KCTD16: variants seen among roughly 807,000 people sequenced by gnomAD.
KCTD16 encodes the protein potassium channel tetramerization domain containing 16.
In KCTD16, 13 loss-of-function variants were observed where a neutral mutation model predicts 33.2. That is an observed-to-expected ratio of 0.39 (90% CI 0.25 to 0.62). The LOEUF (loss-of-function observed/expected upper bound fraction) is 0.62, where lower values mean the gene tolerates loss of function less well. Ranked by LOEUF, KCTD16 falls within the 20% of genes least tolerant of loss-of-function variation. The pLI is 0.50. For synonymous variants in KCTD16, 197 were observed against 195.3 expected, an observed-to-expected ratio of 1.01 and a Z score of -0.07; for missense variants, 441 against 525.1, an observed-to-expected ratio of 0.84 and a Z score of 1.57.
intron 3 of KCTD16, among the ~76,000 whole-genome samples, chr5:144,266,731 A>C (rs944306547): frequency 6.6e-6 from 1 of 152,214 alleles, no homozygotes; most frequent in African/African-American, 2.4e-5. Context: ...GTCATGCTTA[A>C]TAGGCAATGT....
intron 3 of KCTD16, among the ~76,000 whole-genome samples, chr5:144,459,544 T>C (rs530073128): frequency 6.6e-6 from 1 of 152,008 alleles, no homozygotes; most frequent in Non-Finnish European, 1.5e-5. Flanking sequence ...GAGACAAGGT[T>C]TCACTATGCT....
At chr5:144,465,187 C>CG (rs201320600) in intron 3 of KCTD16, among the ~76,000 whole-genome samples, 6,421 of 111,886 alleles carry the variant, frequency 0.057, 651 homozygotes, top group Admixed American at 0.14. Flanking sequence ...TCTCTCCCCC[C>CG]CCTCTCTCTC....
At chr5:144,233,132 G>A (rs1754153468) in intron 3 of KCTD16, among the ~76,000 whole-genome samples, 1 of 151,512 alleles carries the variant, frequency 6.6e-6, no homozygotes. Context: ...TTTGATAATT[G>A]CTTTACAGTT....
At chr5:144,278,350 C>CAT (rs1580840053) in intron 3 of KCTD16, among the ~76,000 whole-genome samples, 1 of 151,804 alleles carries the variant, frequency 6.6e-6, no homozygotes, top group Non-Finnish European at 1.5e-5. Context: ...TTGTCCTATT[C>CAT]ATATATATAA....
Position 144,267,831 on chromosome 5 carries a change from AG to A in KCTD16, c.832+60286del, listed in dbSNP as rs150947058. Among the ~76,000 whole-genome samples the A allele has an allele frequency of 9.8e-3, 1,493 of 152,286 alleles. 20 individuals carry two copies. The highest frequency in any genetic ancestry group is 0.034 in the African/African-American group (1,403 of 41,562). ...GTTTACAGATATCACTTTATACAAAAGCACCATTTGCAAAATAAACTCATCT... is the reference window on the plus strand; with the variant it reads ...GTTTACAGATATCACTTTATACAAAACACCATTTGCAAAATAAACTCATCT... On this transcript the variant is annotated intron_variant, in intron 3 of 3. Coordinates refer to ENST00000512467, the MANE Select transcript of KCTD16 (RefSeq NM_020768.4).
intron 3 of KCTD16, among the ~76,000 whole-genome samples, chr5:144,249,537 A>G (rs1467463932): frequency 2.0e-5 from 3 of 152,174 alleles, no homozygotes; most frequent in Non-Finnish European, 4.4e-5. Flanking sequence ...TAACGGGGGT[A>G]GGAAGGAAAG....
chr5:144,391,705 C>G (rs993912872), intron 3 of KCTD16, among the ~76,000 whole-genome samples: 1 of 152,138 alleles, frequency 6.6e-6, no homozygotes, highest in Admixed American at 6.5e-5. Context: ...ATTTGAAGGA[C>G]CATTTGCAAT....
chr5:144,474,315 G>A lies in KCTD16; in HGVS notation c.*201G>A, dbSNP rs1049024726. On this transcript the variant is annotated 3_prime_UTR_variant, in exon 4 of 4. Coordinates refer to ENST00000512467, the MANE Select transcript of KCTD16 (RefSeq NM_020768.4). ...CAGGGTAGATTTCTTTCTAGATGTG[G>A]AAGTACAAGAAAATCTTTTTTAGTT... 1.9e-5 allele frequency: 10 copies of A among 530,346 alleles called. No homozygotes were observed. Among genetic ancestry groups the A allele is most frequent in the Non-Finnish European group, 3.3e-5 (10 of 302,244 alleles). The allele number at this position is 530,346 out of a possible 1,614,324, so 32.9% of individuals were successfully genotyped here.
chr5:144,299,072 ATTTTTG>A (rs1343917830), intron 3 of KCTD16, among the ~76,000 whole-genome samples: 56 of 57,318 alleles, frequency 9.8e-4, no homozygotes, highest in Non-Finnish European at 1.5e-3. Context: ...ATATATATAT[ATTTTTG>A]TATATATATA....
chr5:144,307,987 C>T (rs1381147202), intron 3 of KCTD16, among the ~76,000 whole-genome samples: 1 of 152,178 alleles, frequency 6.6e-6, no homozygotes, highest in African/African-American at 2.4e-5. Flanking sequence ...CGAATGTTAA[C>T]CAGCACATTA....
intron 3 of KCTD16, among the ~76,000 whole-genome samples, chr5:144,208,836 G>A (rs1753274775): frequency 6.6e-6 from 1 of 152,184 alleles, no homozygotes; most frequent in African/African-American, 2.4e-5. Context: ...ATCAGTTCAG[G>A]AGTATATTGA....
chr5:144,355,500 A>G (rs966897544), intron 3 of KCTD16, among the ~76,000 whole-genome samples: 13 of 152,128 alleles, frequency 8.5e-5, no homozygotes, highest in African/African-American at 2.9e-4. Context: ...TAGTGGGAAC[A>G]TGGTGGGCTA....
chr5:144,203,640 AGT>A (rs1467179980), intron 2 of KCTD16, among the ~76,000 whole-genome samples: 2 of 152,224 alleles, frequency 1.3e-5, no homozygotes, highest in African/African-American at 4.8e-5. Flanking sequence ...CTGTCCCTGC[AGT>A]GTTTTCATAC....
chr5:144,173,818 C>T (rs1752443683), intron 1 of KCTD16, among the ~76,000 whole-genome samples: 1 of 151,938 alleles, frequency 6.6e-6, no homozygotes, highest in Non-Finnish European at 1.5e-5. Flanking sequence ...GAAATGTAAG[C>T]CAAGGTATCC....
At chr5:144,375,189 T>C (rs2126926685) in intron 3 of KCTD16, among the ~76,000 whole-genome samples, 1 of 152,296 alleles carries the variant, frequency 6.6e-6, no homozygotes, top group Non-Finnish European at 1.5e-5. Context: ...AGAAGAGACA[T>C]ATTATGAAGA....
chr5:144,251,529 C>A (rs1473860504), intron 3 of KCTD16, among the ~76,000 whole-genome samples: 2 of 152,082 alleles, frequency 1.3e-5, no homozygotes, highest in Non-Finnish European at 2.9e-5. Context: ...AATAGACAAC[C>A]TTTTCAATGC....
chr5:144,398,334 G>T (rs1432501022), intron 3 of KCTD16, among the ~76,000 whole-genome samples: 2 of 152,120 alleles, frequency 1.3e-5, no homozygotes, highest in South Asian at 2.1e-4. Context: ...AGAGCTGCTT[G>T]CATCTGTTAT....
At position 144,185,923 on chromosome 5, in the gene KCTD16, A is replaced by G. The variant is rs188332060; in HGVS notation, c.-327+11451A>G. On this transcript the variant is annotated intron_variant, in intron 2 of 3. Coordinates refer to ENST00000512467, the MANE Select transcript of KCTD16 (RefSeq NM_020768.4). ...ACTCTCTAAGTCAAGTGCTATTATCATCCTGTTTTACTGGTAAGATACCTG... is the reference window on the plus strand; with the variant it reads ...ACTCTCTAAGTCAAGTGCTATTATCGTCCTGTTTTACTGGTAAGATACCTG... Among the ~76,000 whole-genome samples the G allele has an allele frequency of 2.0e-3, 306 of 152,248 alleles. 2 individuals carry two copies. The highest frequency in any genetic ancestry group is 6.7e-3 in the African/African-American group (280 of 41,526).
At chr5:144,354,900 G>T (rs575244970) in intron 3 of KCTD16, among the ~76,000 whole-genome samples, 18 of 152,210 alleles carry the variant, frequency 1.2e-4, no homozygotes, top group African/African-American at 4.3e-4. Context: ...TTAATAATAG[G>T]TAACATTTAT....
Sources: allele counts gnomAD v4.1 joint callset (sites outside exome capture counted in the v4.1 genomes callset), GRCh38; gene constraint gnomAD v4.1.1; transcripts MANE v1.5; gene names NCBI Gene and HGNC (gene_info 2026-07-23, HGNC 2026-07-21).